HYDIN: variants seen among roughly 807,000 people sequenced by gnomAD.
HYDIN encodes the protein axonemal central pair apparatus protein HYDIN.
Under a neutral mutation model 403.9 loss-of-function variants are expected in HYDIN, and 132 were observed. The observed-to-expected ratio is 0.33, with a 90% CI of 0.28 to 0.38. The LOEUF (loss-of-function observed/expected upper bound fraction) is 0.38. Among genes scored for constraint, HYDIN ranks in the 10% least tolerant of loss-of-function variants. The probability of loss-of-function intolerance (pLI) is 1.00; values close to 1 mark genes in which losing one functional copy is unlikely to be tolerated. For synonymous variants in HYDIN, 1,202 were observed against 1,891.7 expected, an observed-to-expected ratio of 0.64 and a Z score of 9.46; for missense variants, 2,827 against 5,009.5, an observed-to-expected ratio of 0.56 and a Z score of 13.15.
intron 18 of HYDIN, among the ~76,000 whole-genome samples, chr16:71,058,725 G>T (rs1291309557): frequency 3.3e-5 from 5 of 151,824 alleles, no homozygotes; most frequent in African/African-American, 1.2e-4. Context: ...AGACTAGCAG[G>T]TCTAAATGTC....
intron 55 of HYDIN, 91 bp downstream of exon 55, chr16:70,894,358 G>A: frequency 6.4e-7 from 1 of 1,574,452 alleles, no homozygotes; most frequent in Non-Finnish European, 8.6e-7. Flanking sequence ...AACCCTATCG[G>A]ATTCAGGTTA....
chr16:71,076,347 AG>A (rs1026709591), intron 13 of HYDIN, among the ~76,000 whole-genome samples: 2 of 128,744 alleles, frequency 1.6e-5, no homozygotes, highest in Non-Finnish European at 1.6e-5. Flanking sequence ...GTCTAGCTCT[AG>A]GGAGAATGGA....
At chr16:70,855,390 C>CT (rs1249916925) in intron 72 of HYDIN, 115 bp from the exon 73 acceptor site, 1 of 627,482 alleles carries the variant, frequency 1.6e-6, no homozygotes, top group Non-Finnish European at 2.8e-6. Context: ...CCTCTTCCGC[C>CT]TTTGTCTACC....
In HYDIN at chr16:71,206,574, G is replaced by A. The variant is rs966848107; in HGVS notation, c.-23-19656C>T. Among the ~76,000 whole-genome samples the A allele has an allele frequency of 5.7e-4, 87 of 152,158 alleles. 3 individuals carry two copies. Among genetic ancestry groups the A allele is most frequent in the Admixed American group, 5.6e-3 (86 of 15,278 alleles). ...TCCAGCAAGGGTTCTTAACCAGACTGAGATGGCTGAAATGACAGAAATAGA... is the reference window on the plus strand; with the variant it reads ...TCCAGCAAGGGTTCTTAACCAGACTAAGATGGCTGAAATGACAGAAATAGA... On this transcript the variant is annotated intron_variant, in intron 1 of 85. Coordinates refer to ENST00000393567, the MANE Select transcript of HYDIN (RefSeq NM_001270974.2).
At chr16:71,139,824 G>A (rs2085098559) in intron 7 of HYDIN, among the ~76,000 whole-genome samples, 1 of 151,692 alleles carries the variant, frequency 6.6e-6, no homozygotes, top group Non-Finnish European at 1.5e-5. Context: ...AGCAAAGACA[G>A]TATTTCAAAA....
intron 1 of HYDIN, among the ~76,000 whole-genome samples, chr16:71,201,240 A>G (rs1041236086): frequency 6.6e-6 from 1 of 152,216 alleles, no homozygotes; most frequent in African/African-American, 2.4e-5. Flanking sequence ...CAGCTTGTTC[A>G]TTGCTGTTAT....
chr16:71,218,512 C>T (rs1406487952), intron 1 of HYDIN, among the ~76,000 whole-genome samples: 3 of 152,230 alleles, frequency 2.0e-5, no homozygotes, highest in Non-Finnish European at 4.4e-5. Flanking sequence ...TAAGAACACA[C>T]TATCTTTTTC....
chr16:70,970,374 G>A (rs531690370), intron 36 of HYDIN, 146 bp downstream of exon 36: 1 of 453,014 alleles, frequency 2.2e-6, no homozygotes, highest in African/African-American at 2.2e-5. Flanking sequence ...TCAATTAGTT[G>A]CTTAAAATGT....
At chr16:71,056,107 G>A (rs900548526) in intron 18 of HYDIN, among the ~76,000 whole-genome samples, 4 of 146,622 alleles carry the variant, frequency 2.7e-5, no homozygotes, top group East Asian at 2.0e-4. Context: ...TCCATTCTCC[G>A]TTCCCACATT....
intron 1 of HYDIN, among the ~76,000 whole-genome samples, chr16:71,190,567 T>A (rs2053890109): frequency 6.6e-6 from 1 of 152,170 alleles, no homozygotes; most frequent in African/African-American, 2.4e-5. Flanking sequence ...ATAAAAGAAT[T>A]CCAACTAATA....
chr16:71,128,079 T>G, intron 9 of HYDIN, among the ~76,000 whole-genome samples: 1 of 151,778 alleles, frequency 6.6e-6, no homozygotes, highest in East Asian at 1.9e-4. Flanking sequence ...AATTTCATTC[T>G]CCAAAAGGCC....
chr16:70,863,393 A>G (rs188312908), intron 67 of HYDIN, among the ~76,000 whole-genome samples: 50 of 152,370 alleles, frequency 3.3e-4, no homozygotes, highest in African/African-American at 9.9e-4. Flanking sequence ...AAGTAAAAAT[A>G]TAAAAAATAT....
At position 71,149,743 on chromosome 16, in the gene HYDIN, G is replaced by T. The variant is rs570427565; in HGVS notation, c.841+2916C>A. ...TGGTTTCACCATGTTGCCCAGGCTG[G>T]TCTCAAACTCCTGAGCTCAAGCAAT... On this transcript the variant is annotated intron_variant, in intron 7 of 85. Coordinates refer to ENST00000393567, the MANE Select transcript of HYDIN (RefSeq NM_001270974.2). Among the ~76,000 whole-genome samples, 20 of 152,268 alleles carry T rather than the reference G, an allele frequency of 1.3e-4. No individual in the cohort carries two copies. In the South Asian group the frequency reaches 4.1e-3, roughly 32 times the overall value.
In HYDIN at chr16:70,889,650, A is replaced by G. The variant is rs1264215400; in HGVS notation, c.9711T>C (p.Thr3237=). Residue 3237 remains threonine (T), a synonymous_variant, in exon 58 of 86, where the codon ACT becomes ACC. Coordinates refer to ENST00000393567, the MANE Select transcript of HYDIN (RefSeq NM_001270974.2). ...RSRESESFYK[T]GSSRAAKFSD... ...AGAACTTGGCTGCTCTGGAAGAGCC[A>G]GTTTTGTAGAAGCTCTCACTTTCTC... 2 of 665,610 alleles carry G rather than the reference A, an allele frequency of 3.0e-6. No homozygotes were observed. The highest frequency in any genetic ancestry group is 5.1e-6 in the Non-Finnish European group (2 of 393,484). 41.2% of individuals were successfully genotyped at this position (665,610 alleles called of 1,614,324 possible). A position where few individuals can be genotyped will look rare whatever the true frequency, so the allele number is the denominator to read the frequency against.
chr16:71,047,238 A>G (rs1441762921), intron 18 of HYDIN, among the ~76,000 whole-genome samples: 2 of 152,054 alleles, frequency 1.3e-5, no homozygotes, highest in Non-Finnish European at 2.9e-5. Flanking sequence ...TTGGCTTCAT[A>G]TTATTCTCAG....
chr16:70,818,854 G>A (rs527721041), intron 83 of HYDIN, among the ~76,000 whole-genome samples: 39 of 151,950 alleles, frequency 2.6e-4, no homozygotes, highest in Non-Finnish European at 5.3e-4. Context: ...CTTCCCTGGT[G>A]GGGACAGCTG....
At chr16:71,178,895 G>C (rs1324423930) in intron 4 of HYDIN, 33 bp downstream of exon 4, 4 of 1,586,704 alleles carry the variant, frequency 2.5e-6, no homozygotes, top group East Asian at 2.3e-5. Context: ...ATATATCCTG[G>C]AACAGTTCAC....
intron 11 of HYDIN, among the ~76,000 whole-genome samples, chr16:71,092,575 G>A (rs1245479587): frequency 6.6e-6 from 1 of 152,012 alleles, no homozygotes; most frequent in East Asian, 1.9e-4. Flanking sequence ...GTTTTGGGGT[G>A]GTTTTTGTTT....
chr16:71,087,117 T>C (rs1466603492), intron 12 of HYDIN, among the ~76,000 whole-genome samples: 2 of 152,106 alleles, frequency 1.3e-5, no homozygotes, highest in Non-Finnish European at 2.9e-5. Context: ...GTCTTGAGAC[T>C]TAAAAATAAA....
Sources: gnomAD v4.1 joint callset for allele counts (sites outside exome capture counted in the v4.1 genomes callset) on GRCh38, gnomAD v4.1.1 for gene constraint, MANE v1.5 for transcripts, NCBI Gene and HGNC (gene_info 2026-07-23, HGNC 2026-07-21) for gene names.